UBAC2: variants seen among roughly 807,000 people sequenced by gnomAD.
The protein encoded by UBAC2 is UBA domain containing 2.
A neutral mutation model predicts 44.0 loss-of-function variants in UBAC2; 26 were observed. That is an observed-to-expected ratio of 0.59 (90% confidence interval 0.43 to 0.82). The LOEUF (loss-of-function observed/expected upper bound fraction) is 0.82. Among genes scored for constraint, UBAC2 ranks in the 40% least tolerant of loss-of-function variants. UBAC2 has a pLI of 0.00. For missense variants in UBAC2, 329 were observed against 419.4 expected (o/e 0.78, Z 1.88); for synonymous variants, 155 against 154.3 (o/e 1.00, Z -0.04).
At chr13:99,257,479 T>C (rs1344065760) in intron 4 of UBAC2, among the ~76,000 whole-genome samples, 1 of 152,220 alleles carries the variant, frequency 6.6e-6, no homozygotes, top group Non-Finnish European at 1.5e-5. Context: ...CTTGAGTCTT[T>C]TTTCCCACGT....
rs770296588 is a variant in UBAC2, at chr13:99,201,536, T to G, written c.31+597T>G. ...GCGCAGCTGTGCTGCTGGATGTTGC[T>G]GTTTTCCTGGCGTGTTAGCGGTGGT... On this transcript the variant is annotated intron_variant, in intron 1 of 8. Coordinates refer to ENST00000403766, the MANE Select transcript of UBAC2 (RefSeq NM_001144072.2). The G allele has an allele frequency of 2.5e-6, 4 of 1,614,194 alleles. No homozygotes were observed. The South Asian group carries it at 4.4e-5, about 18-fold the overall frequency.
intron 8 of UBAC2, among the ~76,000 whole-genome samples, chr13:99,371,274 C>T (rs896118645): frequency 3.3e-5 from 5 of 151,848 alleles, no homozygotes; most frequent in African/African-American, 7.3e-5. Context: ...CTCCGTGTTA[C>T]GAGAAGTTGT....
At chr13:99,240,373 T>C (rs1334910854) in intron 2 of UBAC2, among the ~76,000 whole-genome samples, 2 of 152,246 alleles carry the variant, frequency 1.3e-5, no homozygotes, top group Non-Finnish European at 2.9e-5. Context: ...AGCTTTATTT[T>C]CATTAACTGA....
At chr13:99,250,771 G>C (rs1472589587) in intron 4 of UBAC2, among the ~76,000 whole-genome samples, 1 of 151,560 alleles carries the variant, frequency 6.6e-6, no homozygotes, top group Non-Finnish European at 1.5e-5. Flanking sequence ...TTTTGAGACG[G>C]AGTCTCACTC....
At chr13:99,255,495 C>T (rs1398899115) in intron 4 of UBAC2, 15 of 1,613,944 alleles carry the variant, frequency 9.3e-6, no homozygotes, top group Non-Finnish European at 1.1e-5. Context: ...TGGCGTACTT[C>T]GGCTGTACAA....
intron 1 of UBAC2, among the ~76,000 whole-genome samples, chr13:99,202,623 A>T (rs913662572): frequency 3.3e-5 from 5 of 152,212 alleles, no homozygotes; most frequent in Admixed American, 1.3e-4. Context: ...GGGGAAGATA[A>T]TATTTTGTTA....
chr13:99,224,789 T>G (rs1242315821), intron 1 of UBAC2, among the ~76,000 whole-genome samples: 2 of 152,238 alleles, frequency 1.3e-5, no homozygotes, highest in African/African-American at 4.8e-5. Flanking sequence ...TCTAAACACT[T>G]AAATGTGCAT....
chr13:99,329,996 G>T (rs1469628869), intron 6 of UBAC2, among the ~76,000 whole-genome samples: 3 of 152,160 alleles, frequency 2.0e-5, no homozygotes, highest in African/African-American at 7.2e-5. Flanking sequence ...AAGTCTCTAC[G>T]TTTATTTAGC....
chr13:99,279,167 T>C (rs2043921661), intron 4 of UBAC2, among the ~76,000 whole-genome samples: 1 of 152,046 alleles, frequency 6.6e-6, no homozygotes, highest in Non-Finnish European at 1.5e-5. Flanking sequence ...TTATCTCCCC[T>C]GCTTTTGCAC....
At chr13:99,227,612 A>G (rs1468102030) in intron 1 of UBAC2, among the ~76,000 whole-genome samples, 4 of 152,180 alleles carry the variant, frequency 2.6e-5, no homozygotes, top group African/African-American at 9.7e-5. Flanking sequence ...TATTTTCCCT[A>G]GTTCATTTCT....
intron 4 of UBAC2, among the ~76,000 whole-genome samples, chr13:99,283,758 T>G (rs568108956): frequency 9.1e-4 from 120 of 131,808 alleles, no homozygotes; most frequent in African/African-American, 3.2e-3. Context: ...TTTTTGAGAC[T>G]GAGTCTTGCT....
rs368859180 is a variant in UBAC2 at position 99,336,152 on chromosome 13, C to T, written c.562-4168C>T. Among the ~76,000 whole-genome samples the T allele has an allele frequency of 7.2e-5, 11 of 152,292 alleles. 1 individual carries two copies. The East Asian group carries it at 1.2e-3, about 16-fold the overall frequency. Reference sequence around the variant, plus strand: ...AGTTTGTCAGCCATTTGAGTTTTCTCTTCTGAAATTACCTTTTCATATGCT... The same window carrying T: ...AGTTTGTCAGCCATTTGAGTTTTCTTTTCTGAAATTACCTTTTCATATGCT... On this transcript the variant is annotated intron_variant, in intron 6 of 8. Transcript: ENST00000403766.
chr13:99,352,083 G>T (rs1017553492), intron 7 of UBAC2, among the ~76,000 whole-genome samples: 1 of 152,154 alleles, frequency 6.6e-6, no homozygotes, highest in African/African-American at 2.4e-5. Context: ...CCAGGAGGCA[G>T]ATCTGCCCTG....
intron 6 of UBAC2, among the ~76,000 whole-genome samples, chr13:99,325,808 G>C (rs949900269): frequency 1.3e-5 from 2 of 152,120 alleles, no homozygotes; most frequent in Non-Finnish European, 2.9e-5. Context: ...TCCGTGACTG[G>C]CTTGTTTCAC....
intron 7 of UBAC2, among the ~76,000 whole-genome samples, chr13:99,347,093 C>T (rs2044995034): frequency 6.7e-6 from 1 of 149,918 alleles, no homozygotes; most frequent in African/African-American, 2.4e-5. Context: ...GCTTGGGCCA[C>T]ATGGTGAGAC....
Position 99,238,534 on chromosome 13 carries a change from G to T in UBAC2, c.139G>T (p.Ala47Ser), listed in dbSNP as rs771213998. The T allele has an allele frequency of 6.2e-7, 1 of 1,610,838 alleles. No homozygotes were observed. The highest frequency in any genetic ancestry group is 8.5e-7 in the Non-Finnish European group (1 of 1,178,540). ...GAAGCTCTTTGTGTATGACCTTCAC[G>T]CAGTCAAGAACGACTTCCAGGTAAG... The part of the protein sequence containing the change: ...CQKLFVYDLH[A>S]VKNDFQIWRL... Residue 47 changes from alanine (A) to serine (S), a missense_variant, in exon 2 of 9, where the codon GCA (alanine) becomes TCA (serine). Ala to Ser is a moderately conservative substitution (Grantham distance 99, BLOSUM62 1). Transcript: ENST00000403766.
chr13:99,209,473 T>C (rs2042913691), intron 1 of UBAC2, among the ~76,000 whole-genome samples: 1 of 152,194 alleles, frequency 6.6e-6, no homozygotes, highest in Admixed American at 6.5e-5. Context: ...TTTGATCATC[T>C]TGTTTTGGTT....
chr13:99,327,150 C>T (rs1397437558), intron 6 of UBAC2, among the ~76,000 whole-genome samples: 1 of 152,212 alleles, frequency 6.6e-6, no homozygotes, highest in Non-Finnish European at 1.5e-5. Flanking sequence ...CTTCAGCAAA[C>T]TCACTGTCTT....
chr13:99,226,599 C>G (rs1254272286), intron 1 of UBAC2, among the ~76,000 whole-genome samples: 1 of 152,196 alleles, frequency 6.6e-6, no homozygotes. Context: ...CCCAAAGCAC[C>G]CTGTCACATC....
Sources: allele counts gnomAD v4.1 joint callset (sites outside exome capture counted in the v4.1 genomes callset), GRCh38; gene constraint gnomAD v4.1.1; transcripts MANE v1.5; gene names NCBI Gene and HGNC (gene_info 2026-07-23, HGNC 2026-07-21).